The following AKAP12 variants were observed in gnomAD, a reference collection of about 807,000 sequenced individuals.
The protein encoded by AKAP12 is A-kinase anchoring protein 12, also known as A-kinase anchor protein 12.
AKAP12 carries 32 observed loss-of-function variants against 79.9 expected under a neutral mutation model. The observed-to-expected ratio is 0.40, with a 90% confidence interval of 0.30 to 0.54. AKAP12 has a LOEUF of 0.54. Ranked by LOEUF, AKAP12 falls within the 20% of genes least tolerant of loss-of-function variation. AKAP12 has a pLI of 0.48. For synonymous variants in AKAP12, 808 were observed against 857.0 expected (o/e 0.94, Z 1.00); for missense variants, 2,074 against 2,177.0 (o/e 0.95, Z 0.94).
At chr6:151,308,535 C>T (rs1431774063) in intron 3 of AKAP12, among the ~76,000 whole-genome samples, 2 of 151,988 alleles carry the variant, frequency 1.3e-5, no homozygotes, top group Admixed American at 1.3e-4. Flanking sequence ...TTGTCCTTCC[C>T]AAGATCTTGA....
chr6:151,341,121 G>A (rs1384508893), intron 3 of AKAP12, among the ~76,000 whole-genome samples: 1 of 150,084 alleles, frequency 6.7e-6, no homozygotes, highest in Non-Finnish European at 1.5e-5. Context: ...GCACGATCTC[G>A]GCTCACTGCA....
Position 151,349,489 on chromosome 6 carries a change from C to T in AKAP12, c.1098C>T (p.His366=), listed in dbSNP as rs752192182. 5.6e-6 allele frequency: 9 copies of T among 1,607,764 alleles called. No individual in the cohort carries two copies. The highest frequency in any genetic ancestry group is 4.0e-5 in the African/African-American group (3 of 74,112). Residue 366 remains histidine (H), a synonymous_variant, in exon 4 of 5, where the codon CAC becomes CAT. Coordinates refer to ENST00000402676, the MANE Select transcript of AKAP12 (RefSeq NM_005100.4). ...CACAGGAGCCGGCAGAAAGTGCCCA[C>T]GAGCCCCGGTTATCAGCTGAATATG... ...AHPQEPAESA[H]EPRLSAEYEK...
intron 3 of AKAP12, among the ~76,000 whole-genome samples, chr6:151,340,235 G>GTTTT (rs35700566): frequency 1.5e-5 from 2 of 133,656 alleles, no homozygotes; most frequent in Non-Finnish European, 1.6e-5. Flanking sequence ...CCCAGCGGTG[G>GTTTT]TTTTTTTTTT....
At chr6:151,304,519 A>AAAAAAAAC in intron 2 of AKAP12, among the ~76,000 whole-genome samples, 2 of 140,548 alleles carry the variant, frequency 1.4e-5, no homozygotes, top group Non-Finnish European at 3.1e-5. Flanking sequence ...AAAAAAAAAA[A>AAAAAAAAC]GGATTATATG....
At chr6:151,339,751 T>TC (rs111297426) in intron 3 of AKAP12, among the ~76,000 whole-genome samples, 10,751 of 152,082 alleles carry the variant, frequency 0.071, 512 homozygotes, top group East Asian at 0.14. Context: ...CATCCCTTCC[T>TC]CCCCCAACCC....
At position 151,348,751 on chromosome 6, in the gene AKAP12, C is replaced by T. The variant is rs777029366; in HGVS notation, c.360C>T (p.Ser120=). The T allele has an allele frequency of 1.6e-5, 22 of 1,365,314 alleles. No homozygotes were observed. Among genetic ancestry groups the T allele is most frequent in the African/African-American group, 3.3e-5 (2 of 60,942 alleles). The allele number at this position is 1,365,314 out of a possible 1,614,324, so 84.6% of individuals were successfully genotyped here. A position where few individuals can be genotyped will look rare whatever the true frequency, so the allele number is the denominator to read the frequency against. Reference sequence around the variant, plus strand: ...CTGAAGATGTGAGCAAAAGAGACTCCGATAAAGAGATGGCTACTAAGTCAG... The same window carrying T: ...CTGAAGATGTGAGCAAAAGAGACTCTGATAAAGAGATGGCTACTAAGTCAG... ...RDSEDVSKRD[S]DKEMATKSAV... Residue 120 remains serine (S), a synonymous_variant, in exon 4 of 5, where the codon TCC becomes TCT. Transcript: ENST00000402676.
Position 151,351,365 on chromosome 6 carries a change from G to A in AKAP12, c.2974G>A (p.Glu992Lys), listed in dbSNP as rs199808949. ...GCCATTGGGTGCCGAAGAAGGAACC[G>A]AAGCATCTGCTGCTGAAGAGACCAC... The part of the protein sequence containing the change: ...AGPLGAEEGT[E>K]ASAAEETTEM... The change falls in exon 4 of 5, where the codon GAA (glutamate) becomes AAA (lysine). Residue 992 changes from glutamate to lysine, a missense_variant. By Grantham distance (56) the Glu-to-Lys change is moderately conservative (BLOSUM62 1). This residue lies in a region of AKAP12 where 1,428 missense variants were observed against 1,451.0 expected (regional missense o/e 0.98). Transcript: ENST00000402676. The surrounding 1 kb of genome is among the most constrained non-coding windows in gnomAD (Gnocchi z 4.4). 276 of 1,614,214 alleles carry A rather than the reference G, an allele frequency of 1.7e-4. No individual in the cohort carries two copies. The highest frequency in any genetic ancestry group is 6.6e-4 in the South Asian group (60 of 91,078).
rs148511742 is a variant in AKAP12, at chr6:151,346,214, C to T, written c.320-2497C>T. On this transcript the variant is annotated intron_variant, in intron 3 of 4. Transcript: ENST00000402676. ...GTGTTCCTTAAATCTCTTAATTTAA[C>T]ACAATACATCTCCCTCCTACTTCCC... is the stretch of plus-strand genomic sequence containing the variant. Among the ~76,000 whole-genome samples, 1,098 of 152,234 alleles carry T rather than the reference C, an allele frequency of 7.2e-3. 17 individuals carry two copies. Among genetic ancestry groups the T allele is most frequent in the African/African-American group, 0.024 (1,014 of 41,524 alleles).
chr6:151,319,217 T>C (rs1305682593), intron 3 of AKAP12, among the ~76,000 whole-genome samples: 1 of 152,138 alleles, frequency 6.6e-6, no homozygotes, highest in Admixed American at 6.6e-5. Flanking sequence ...AGAGTATTTA[T>C]CTTGGATTTT....
At chr6:151,347,174 T>C (rs1340267586) in intron 3 of AKAP12, among the ~76,000 whole-genome samples, 1 of 152,242 alleles carries the variant, frequency 6.6e-6, no homozygotes, top group East Asian at 1.9e-4. Flanking sequence ...CCAGTTCTTG[T>C]GTCCTTTTGA....
At chr6:151,241,322 C>T (rs1055755269) in intron 2 of AKAP12, among the ~76,000 whole-genome samples, 4 of 152,232 alleles carry the variant, frequency 2.6e-5, no homozygotes, top group Non-Finnish European at 4.4e-5. Flanking sequence ...GGGTGTAGCT[C>T]GCTCAGAGCC....
At chr6:151,280,646 C>CTTTT (rs55889576) in intron 2 of AKAP12, 1 of 119,534 alleles carries the variant, frequency 8.4e-6, no homozygotes, top group Non-Finnish European at 1.7e-5. Context: ...TTTTCATTTT[C>CTTTT]TTTTTTTTTT....
intron 2 of AKAP12, among the ~76,000 whole-genome samples, chr6:151,260,982 C>G (rs1016132961): frequency 3.3e-5 from 5 of 151,636 alleles, no homozygotes; most frequent in African/African-American, 1.2e-4. Flanking sequence ...GACTCAGGAC[C>G]CTCTGTTTAT....
chr6:151,262,434 C>T (rs148126787), intron 2 of AKAP12, among the ~76,000 whole-genome samples: 22 of 152,262 alleles, frequency 1.4e-4, no homozygotes, highest in African/African-American at 5.3e-4. Context: ...GTCAACTTTC[C>T]CACACCTTGG....
intron 2 of AKAP12, among the ~76,000 whole-genome samples, chr6:151,259,500 G>GTA (rs748597733): frequency 1.4e-4 from 17 of 118,264 alleles, no homozygotes; most frequent in East Asian, 2.4e-4. Context: ...ACATATACAT[G>GTA]TATATATATA....
intron 3 of AKAP12, among the ~76,000 whole-genome samples, chr6:151,316,007 A>G (rs965232485): frequency 2.6e-5 from 4 of 152,170 alleles, no homozygotes; most frequent in Admixed American, 6.5e-5. Flanking sequence ...CCCATTAAAC[A>G]TGGGGATTAT....
chr6:151,323,647 A>C (rs1299607698), intron 3 of AKAP12: 2 of 936,690 alleles, frequency 2.1e-6, no homozygotes, highest in African/African-American at 3.6e-5. Context: ...CAGTACAGTG[A>C]CCTTTGAAAA....
chr6:151,349,929 GA>G lies in AKAP12; in HGVS notation c.1540del (p.Ser514ValfsTer3). On this transcript the variant is annotated frameshift_variant, in exon 4 of 5. Transcript: ENST00000402676. LOFTEE classifies it high-confidence loss of function. The stretch of plus-strand genomic sequence containing the variant: ...TCACAGGAGAGAATGAAGGTGCAGG[GA>G]AGTCCACTAAAGAAGCTTTTTACCA... Reference protein sequence around the residue: ...LSSQERMKVQGSPLKKLFTST... With the variant: ...LSSQERMKVQXSPLKKLFTST... The G allele has an allele frequency of 6.2e-7, 1 of 1,614,150 alleles. No homozygotes were observed. Among genetic ancestry groups the G allele is most frequent in the Non-Finnish European group, 8.5e-7 (1 of 1,180,044 alleles).
At chr6:151,295,828 G>A (rs1010966303) in intron 2 of AKAP12, among the ~76,000 whole-genome samples, 3 of 152,174 alleles carry the variant, frequency 2.0e-5, no homozygotes, top group African/African-American at 7.2e-5. Context: ...AGGACACGTG[G>A]GGTTCAGACA....
Sources: gnomAD v4.1 joint callset for allele counts (sites outside exome capture counted in the v4.1 genomes callset) on GRCh38, gnomAD v4.1.1 for gene constraint, gnomAD v4.1.1 regional missense constraint, Gnocchi (gnomAD v3.1) non-coding constraint, MANE v1.5 for transcripts, NCBI Gene and HGNC (gene_info 2026-07-23, HGNC 2026-07-21) for gene names.